ROBO1: variants seen among roughly 807,000 people sequenced by gnomAD.
ROBO1 encodes the protein roundabout homolog 1.
A neutral mutation model predicts 195.9 loss-of-function variants in ROBO1; 149 were observed. That is an observed-to-expected ratio of 0.76 (90% CI 0.67 to 0.87). The LOEUF is 0.87. Among genes scored for constraint, ROBO1 ranks in the 40% least tolerant of loss-of-function variants. ROBO1 has a pLI of 0.00. For missense variants in ROBO1, 1,933 were observed against 2,068.3 expected, an observed-to-expected ratio of 0.93 and a Z score of 1.27; for synonymous variants, 816 against 733.2, an observed-to-expected ratio of 1.11 and a Z score of -1.82.
At chr3:79,001,164 T>C (rs979000152) in intron 3 of ROBO1, among the ~76,000 whole-genome samples, 2 of 151,964 alleles carry the variant, frequency 1.3e-5, no homozygotes, top group Non-Finnish European at 2.9e-5. Context: ...GACAAATACC[T>C]AATGCATGCA....
Position 79,093,714 on chromosome 3 carries a change from C to G in ROBO1, c.172+31742G>C, listed in dbSNP as rs564627119. Reference sequence around the variant, plus strand: ...AAAATATAGAATACAGAATATTTCACTAAATGAAATATAGAATACAGAAGT... The same window carrying G: ...AAAATATAGAATACAGAATATTTCAGTAAATGAAATATAGAATACAGAAGT... On this transcript the variant is annotated intron_variant, in intron 3 of 30. Coordinates refer to ENST00000464233, the MANE Select transcript of ROBO1 (RefSeq NM_002941.4). Among the ~76,000 whole-genome samples, 224 of 152,082 alleles carry G rather than the reference C, an allele frequency of 1.5e-3. 1 individual carries two copies. Among genetic ancestry groups the G allele is most frequent in the African/African-American group, 5.2e-3 (217 of 41,530 alleles).
chr3:79,163,288 G>T (rs2081006194), intron 2 of ROBO1, among the ~76,000 whole-genome samples: 1 of 151,988 alleles, frequency 6.6e-6, no homozygotes, highest in Non-Finnish European at 1.5e-5. Flanking sequence ...ATTTATCTTT[G>T]TGTGACTGGC....
At chr3:79,631,679 A>C (rs1560054601) in intron 1 of ROBO1, among the ~76,000 whole-genome samples, 1 of 152,126 alleles carries the variant, frequency 6.6e-6, no homozygotes, top group Admixed American at 6.6e-5. Flanking sequence ...AAAAGAAATA[A>C]TCAATAGAGT....
At chr3:78,967,710 G>C (rs116201251) in intron 3 of ROBO1, among the ~76,000 whole-genome samples, 2 of 151,770 alleles carry the variant, frequency 1.3e-5, no homozygotes, top group Non-Finnish European at 2.9e-5. Flanking sequence ...TTAATCCCTT[G>C]TATAAATACC....
intron 2 of ROBO1, among the ~76,000 whole-genome samples, chr3:79,350,006 C>T (rs1230863186): frequency 6.6e-6 from 1 of 151,940 alleles, no homozygotes; most frequent in Admixed American, 6.6e-5. Flanking sequence ...AAAACACAAC[C>T]CACGGAATGG....
chr3:79,382,264 CTTAA>C (rs1482886297), intron 2 of ROBO1, among the ~76,000 whole-genome samples: 1 of 152,052 alleles, frequency 6.6e-6, no homozygotes, highest in Non-Finnish European at 1.5e-5. Context: ...AAAAAGTGCA[CTTAA>C]TTTTTATAAA....
Position 79,748,843 on chromosome 3 carries a change from C to G in ROBO1, c.-51+18909G>C, listed in dbSNP as rs111919511. 2.2e-3 allele frequency among the ~76,000 whole-genome samples: 333 copies of G among 152,294 alleles called. 1 individual carries two copies. Among genetic ancestry groups the G allele is most frequent in the African/African-American group, 7.4e-3 (308 of 41,566 alleles). ...GTGAGACTTCCCCAGCCACATGGAA[C>G]TGTAAGTCCATTAAAATCTCTTTTT... On this transcript the variant is annotated intron_variant, in intron 1 of 30. Transcript: ENST00000464233.
intron 19 of ROBO1, 77 bp downstream of exon 19, chr3:78,651,655 T>A (rs745342587): frequency 8.2e-7 from 1 of 1,216,278 alleles, no homozygotes; most frequent in Non-Finnish European, 1.1e-6. Flanking sequence ...TGCATAATCA[T>A]GAATAATTTG....
Position 78,670,296 on chromosome 3 carries a change from C to A in ROBO1, c.1348G>T (p.Ala450Ser), listed in dbSNP as rs1707994135. The part of the protein sequence containing the change: ...KAYLEVTDVI[A>S]DRPPPVIRQG... The stretch of plus-strand genomic sequence containing the variant: ...CGAATAACTGGGGGAGGCCGATCTG[C>A]AATCACTGCCAGAAGAAACAACAGG... Residue 450 changes from alanine to serine, a missense_variant, in exon 11 of 31, where the codon GCA becomes TCA. This residue lies in a region of ROBO1 where 1,737 missense variants were observed against 1,882.5 expected (regional missense o/e 0.92). Transcript: ENST00000464233. 1 of 1,557,842 alleles carries A rather than the reference C, an allele frequency of 6.4e-7. No homozygotes were observed.
chr3:79,264,956 C>G (rs2083009569), intron 2 of ROBO1, among the ~76,000 whole-genome samples: 2 of 151,898 alleles, frequency 1.3e-5, no homozygotes, highest in African/African-American at 4.8e-5. Flanking sequence ...TTATCTGAAA[C>G]AGCCGGATTC....
rs562756713 is a variant in ROBO1, at chr3:79,489,430, C to T, written c.88+100394G>A. ...CAGCACTTTGGGAGGCCGAGGTGGGCGGATCACGAGGTCAAGAGATCGAGA... is the reference window on the plus strand; with the variant it reads ...CAGCACTTTGGGAGGCCGAGGTGGGTGGATCACGAGGTCAAGAGATCGAGA... On this transcript the variant is annotated intron_variant, in intron 2 of 30. Coordinates refer to ENST00000464233, the MANE Select transcript of ROBO1 (RefSeq NM_002941.4). Among the ~76,000 whole-genome samples the T allele has an allele frequency of 4.0e-5, 6 of 151,896 alleles. No individual in the cohort carries two copies. In the South Asian group the frequency reaches 6.2e-4, roughly 16 times the overall value.
At chr3:79,076,103 C>T (rs2079167983) in intron 3 of ROBO1, among the ~76,000 whole-genome samples, 1 of 150,702 alleles carries the variant, frequency 6.6e-6, no homozygotes, top group Non-Finnish European at 1.5e-5. Context: ...CAACACCTAT[C>T]TTATAAGATT....
intron 2 of ROBO1, among the ~76,000 whole-genome samples, chr3:79,313,248 G>A (rs1452668538): frequency 1.3e-5 from 2 of 150,664 alleles, no homozygotes; most frequent in African/African-American, 2.4e-5. Flanking sequence ...ATCATATAAA[G>A]AGCAAAGAAC....
At chr3:79,029,279 C>T (rs2078253408) in intron 3 of ROBO1, among the ~76,000 whole-genome samples, 1 of 151,976 alleles carries the variant, frequency 6.6e-6, no homozygotes, top group Non-Finnish European at 1.5e-5. Flanking sequence ...AAAAATGAAC[C>T]ATAAAATTAA....
chr3:78,604,046 AT>A, intron 29 of ROBO1, among the ~76,000 whole-genome samples: 1 of 151,468 alleles, frequency 6.6e-6, no homozygotes, highest in African/African-American at 2.4e-5. Context: ...CTACTTTTTA[AT>A]TTTTTAAAAT....
chr3:79,698,061 T>C (rs777470068), intron 1 of ROBO1, among the ~76,000 whole-genome samples: 4 of 151,458 alleles, frequency 2.6e-5, no homozygotes, highest in Non-Finnish European at 5.9e-5. Context: ...CATTAAAAAT[T>C]AGGAGCCACT....
At chr3:79,752,736 G>T (rs1338308409) in intron 1 of ROBO1, among the ~76,000 whole-genome samples, 1 of 152,100 alleles carries the variant, frequency 6.6e-6, no homozygotes, top group Non-Finnish European at 1.5e-5. Flanking sequence ...TGGAAAATAG[G>T]TAGGGAGTCC....
At chr3:78,691,920 T>C (rs1459296223) in intron 8 of ROBO1, among the ~76,000 whole-genome samples, 1 of 152,170 alleles carries the variant, frequency 6.6e-6, no homozygotes, top group Non-Finnish European at 1.5e-5. Context: ...GAACTGTTGA[T>C]AGGCTACAAT....
In ROBO1 at chr3:79,573,097, T is replaced by C. The variant is rs79381881; in HGVS notation, c.88+16727A>G. Among the ~76,000 whole-genome samples, 1,107 of 152,316 alleles carry C rather than the reference T, an allele frequency of 7.3e-3. 31 individuals are homozygous for C. Among genetic ancestry groups the C allele is most frequent in the East Asian group, 0.055 (283 of 5,184 alleles). The stretch of plus-strand genomic sequence containing the variant: ...CAGGGTCTTGTTCTGCCATGCAAGC[T>C]GGAGTGCAGCGGCGAGATCATGGCT... On this transcript the variant is annotated intron_variant, in intron 2 of 30. Transcript: ENST00000464233.
Sources: gnomAD v4.1 joint callset for allele counts (sites outside exome capture counted in the v4.1 genomes callset) on GRCh38, gnomAD v4.1.1 for gene constraint, gnomAD v4.1.1 regional missense constraint, MANE v1.5 for transcripts, NCBI Gene and HGNC (gene_info 2026-07-23, HGNC 2026-07-21) for gene names.